SPRR2G: variants seen among roughly 807,000 people sequenced by gnomAD.
SPRR2G encodes the protein small proline-rich protein 2G.
A neutral mutation model predicts 0.7 loss-of-function variants in SPRR2G; 1 was observed. The ratio of observed to expected loss-of-function variants is 1.49; its 90% CI spans 0.53 to 7.06. SPRR2G has a LOEUF of 7.06. SPRR2G is among the 30% of genes most tolerant of loss of function. The pLI is 0.14. For missense variants in SPRR2G, 96 were observed against 88.5 expected (o/e 1.09, Z -0.34); for synonymous variants, 38 against 33.9 (o/e 1.12, Z -0.42).
At chr1:153,199,442 C>T in the SPRR2G span, among the ~76,000 whole-genome samples, 38 of 152,292 alleles carry the variant, frequency 2.5e-4, no homozygotes, top group African/African-American at 7.7e-4. Context: ...AAGTTCTCCA[C>T]GGGAGAAAGG....
chr1:153,159,962 C>A, the SPRR2G span, among the ~76,000 whole-genome samples: 8 of 152,190 alleles, frequency 5.3e-5, no homozygotes, highest in Non-Finnish European at 1.2e-4. Context: ...CAAACCATAT[C>A]AACCAGATTG....
chr1:153,182,190 A>G, the SPRR2G span, among the ~76,000 whole-genome samples: 7 of 152,094 alleles, frequency 4.6e-5, no homozygotes, highest in African/African-American at 1.7e-4. Flanking sequence ...TTTTTCATAT[A>G]CTTGTTGGCC....
At chr1:153,195,120 A>G in the SPRR2G span, among the ~76,000 whole-genome samples, 3 of 152,284 alleles carry the variant, frequency 2.0e-5, no homozygotes, top group African/African-American at 7.2e-5. Flanking sequence ...CACAGCTGGC[A>G]GAAGTGGACT....
At chr1:153,183,867 T>C in the SPRR2G span, among the ~76,000 whole-genome samples, 2 of 152,364 alleles carry the variant, frequency 1.3e-5, no homozygotes, top group African/African-American at 4.8e-5. Flanking sequence ...TACATTTAAG[T>C]CTTTAATCCA....
the SPRR2G span, among the ~76,000 whole-genome samples, chr1:153,181,782 T>TTATA: frequency 7.4e-5 from 11 of 149,602 alleles, no homozygotes; most frequent in Admixed American, 4.7e-4. Flanking sequence ...TGGTATTCCA[T>TTATA]TATATATATA....
At chr1:153,197,347 C>T in the SPRR2G span, among the ~76,000 whole-genome samples, 1 of 151,986 alleles carries the variant, frequency 6.6e-6, no homozygotes, top group Non-Finnish European at 1.5e-5. Context: ...GCCTACACAG[C>T]CCAGCGGTAC....
chr1:153,154,798 T>G (rs1656548839), upstream of SPRR2G, among the ~76,000 whole-genome samples: 1 of 152,132 alleles, frequency 6.6e-6, no homozygotes. Flanking sequence ...CTACAACTGC[T>G]GTCTCTTCTG....
At chr1:153,197,684 G>A in the SPRR2G span, among the ~76,000 whole-genome samples, 4 of 152,194 alleles carry the variant, frequency 2.6e-5, no homozygotes, top group Non-Finnish European at 5.9e-5. Flanking sequence ...TCCATGGGGA[G>A]CACATCAGGC....
the SPRR2G span, among the ~76,000 whole-genome samples, chr1:153,166,263 C>T: frequency 2.0e-5 from 3 of 152,108 alleles, no homozygotes; most frequent in Non-Finnish European, 4.4e-5. Context: ...TGCCTTGTAC[C>T]AAGGAGGGTT....
the SPRR2G span, among the ~76,000 whole-genome samples, chr1:153,200,072 C>A: frequency 1.3e-5 from 2 of 152,140 alleles, no homozygotes; most frequent in Non-Finnish European, 1.5e-5. Flanking sequence ...CATACAGGGC[C>A]TTCAGACACA....
the SPRR2G span, among the ~76,000 whole-genome samples, chr1:153,172,159 C>T: frequency 6.6e-6 from 1 of 152,156 alleles, no homozygotes; most frequent in Non-Finnish European, 1.5e-5. Context: ...CTCTACTTCA[C>T]CTCTCACCTT....
the SPRR2G span, among the ~76,000 whole-genome samples, chr1:153,156,444 A>G: frequency 1.3e-5 from 2 of 152,266 alleles, no homozygotes; most frequent in Admixed American, 1.3e-4. Context: ...CCAATGGATT[A>G]CAAAAGGAAT....
the SPRR2G span, among the ~76,000 whole-genome samples, chr1:153,185,696 T>C: frequency 6.6e-6 from 1 of 152,176 alleles, no homozygotes; most frequent in East Asian, 1.9e-4. Flanking sequence ...TGAAGGGTTT[T>C]TCATGTCTCT....
chr1:153,200,871 C>T, the SPRR2G span, among the ~76,000 whole-genome samples: 39 of 152,070 alleles, frequency 2.6e-4, no homozygotes, highest in African/African-American at 9.2e-4. Context: ...AGCTAATTTG[C>T]TAATTTTTGT....
the SPRR2G span, among the ~76,000 whole-genome samples, chr1:153,193,043 C>T: frequency 6.6e-6 from 1 of 152,028 alleles, no homozygotes; most frequent in Non-Finnish European, 1.5e-5. Context: ...TAAACCTTCT[C>T]CTTGTCCGCT....
the SPRR2G span, among the ~76,000 whole-genome samples, chr1:153,177,601 G>A: frequency 6.6e-6 from 1 of 152,092 alleles, no homozygotes; most frequent in Admixed American, 6.6e-5. Flanking sequence ...TGATAATATG[G>A]TTAAGGATTT....
chr1:153,181,482 T>C, the SPRR2G span, among the ~76,000 whole-genome samples: 1 of 152,310 alleles, frequency 6.6e-6, no homozygotes, highest in South Asian at 2.1e-4. Context: ...CAGCTCACTC[T>C]AATATCAGTC....
At chr1:153,158,625 C>G in the SPRR2G span, among the ~76,000 whole-genome samples, 3 of 152,342 alleles carry the variant, frequency 2.0e-5, no homozygotes, top group African/African-American at 7.2e-5. Context: ...CTTCTTACAG[C>G]TCCACTAGGC....
At chr1:153,196,358 A>G in the SPRR2G span, among the ~76,000 whole-genome samples, 3,974 of 152,316 alleles carry the variant, frequency 0.026, 146 homozygotes, top group East Asian at 0.19. Context: ...TAATGTCCTC[A>G]AGGGCCATTT....
Sources: allele counts gnomAD v4.1 joint callset (sites outside exome capture counted in the v4.1 genomes callset), GRCh38; gene constraint gnomAD v4.1.1; transcripts MANE v1.5; gene names NCBI Gene and HGNC (gene_info 2026-07-23, HGNC 2026-07-21).